KDM3A: variants seen among roughly 807,000 people sequenced by gnomAD.
KDM3A encodes the protein lysine-specific demethylase 3A.
Under a neutral mutation model 158.0 loss-of-function variants are expected in KDM3A, and 60 were observed. That is an observed-to-expected ratio of 0.38 (90% confidence interval 0.31 to 0.47). The LOEUF is 0.47. Ranked by LOEUF, KDM3A falls within the 20% of genes least tolerant of loss-of-function variation. The pLI is 0.99. For synonymous variants in KDM3A, 608 were observed against 549.3 expected (o/e 1.11, Z -1.49); for missense variants, 1,319 against 1,574.3 (o/e 0.84, Z 2.74).
At chr2:86,476,470 C>A (rs1204005851) in intron 12 of KDM3A, among the ~76,000 whole-genome samples, 1 of 152,144 alleles carries the variant, frequency 6.6e-6, no homozygotes, top group Non-Finnish European at 1.5e-5. Context: ...GTTGCTCTTT[C>A]TTTTCTCTGT....
intron 11 of KDM3A, 58 bp from the exon 12 acceptor site, chr2:86,474,718 T>TGTGG: frequency 2.7e-6 from 2 of 747,410 alleles, no homozygotes; most frequent in Non-Finnish European, 4.7e-6. Flanking sequence ...TGTGTGTGTG[T>TGTGG]GTGTGTGTGT....
intron 11 of KDM3A, among the ~76,000 whole-genome samples, chr2:86,471,442 G>T (rs1673406326): frequency 6.6e-6 from 1 of 151,806 alleles, no homozygotes; most frequent in South Asian, 2.1e-4. Flanking sequence ...CCTGAGTGAA[G>T]AAAAAAGCAG....
intron 2 of KDM3A, among the ~76,000 whole-genome samples, chr2:86,447,716 G>A (rs1472742045): frequency 6.6e-6 from 1 of 152,148 alleles, no homozygotes; most frequent in African/African-American, 2.4e-5. Context: ...TTAACCTGGG[G>A]TGCAAGTTAG....
intron 11 of KDM3A, among the ~76,000 whole-genome samples, chr2:86,473,797 T>C (rs928708770): frequency 1.3e-5 from 2 of 152,128 alleles, no homozygotes; most frequent in African/African-American, 2.4e-5. Flanking sequence ...AACTAATACA[T>C]AGCTTATGAA....
At chr2:86,472,519 A>C (rs1673467203) in intron 11 of KDM3A, among the ~76,000 whole-genome samples, 1 of 152,116 alleles carries the variant, frequency 6.6e-6, no homozygotes, top group Non-Finnish European at 1.5e-5. Context: ...AATGCTTTCA[A>C]ATTTATTTTT....
intron 9 of KDM3A, 151 bp from the exon 10 acceptor site, chr2:86,466,221 A>G (rs1673139170): frequency 1.3e-6 from 1 of 791,078 alleles, no homozygotes. Flanking sequence ...ACTCTAGCTC[A>G]CAGAAATCTA....
intron 10 of KDM3A, among the ~76,000 whole-genome samples, chr2:86,469,820 A>G (rs1447860519): frequency 6.6e-6 from 1 of 152,238 alleles, no homozygotes; most frequent in Non-Finnish European, 1.5e-5. Flanking sequence ...GACAGAATGG[A>G]CATCTACTAA....
At chr2:86,472,736 T>C (rs1673477016) in intron 11 of KDM3A, among the ~76,000 whole-genome samples, 1 of 152,162 alleles carries the variant, frequency 6.6e-6, no homozygotes, top group Non-Finnish European at 1.5e-5. Context: ...GCCCACTGCC[T>C]AGCAAAGTCA....
intron 25 of KDM3A, chr2:86,491,677 G>T (rs533194545): frequency 1.4e-4 from 43 of 302,416 alleles, no homozygotes; most frequent in Middle Eastern, 1.1e-3. Context: ...TGAGGGGGTG[G>T]TATTTTCAAA....
intron 17 of KDM3A, among the ~76,000 whole-genome samples, 174 bp from the exon 18 acceptor site, chr2:86,482,284 C>G (rs1208905642): frequency 6.6e-6 from 1 of 152,164 alleles, no homozygotes; most frequent in Non-Finnish European, 1.5e-5. Context: ...GGGCCACTTT[C>G]TCCTGTTACC....
upstream of KDM3A, among the ~76,000 whole-genome samples, chr2:86,437,310 G>A (rs1682508505): frequency 1.3e-5 from 2 of 151,990 alleles, no homozygotes; most frequent in African/African-American, 4.8e-5. Flanking sequence ...ACAACAGCCA[G>A]CTAATTTTTA....
chr2:86,464,084 T>A lies in KDM3A; in HGVS notation c.875T>A (p.Val292Glu). 2 of 1,611,796 alleles carry A rather than the reference T, an allele frequency of 1.2e-6. No homozygotes were observed. The highest frequency in any genetic ancestry group is 1.1e-5 in the South Asian group (1 of 90,890). The change falls in exon 9 of 26, where the codon GTA (valine) becomes GAA (glutamate). Residue 292 changes from valine to glutamate, a missense_variant. Val to Glu is a moderately radical substitution (Grantham distance 121, BLOSUM62 -2). Coordinates refer to ENST00000312912, the MANE Select transcript of KDM3A (RefSeq NM_018433.6). ...CCCAGTATGTGTCCTGTGCAGTCTGTACCTACAACAGTTTTTAAGGAGATA... is the reference window on the plus strand; with the variant it reads ...CCCAGTATGTGTCCTGTGCAGTCTGAACCTACAACAGTTTTTAAGGAGATA... ...ASPSMCPVQS[V>E]PTTVFKEILL...
At chr2:86,460,294 C>T (rs1259216784) in intron 8 of KDM3A, among the ~76,000 whole-genome samples, 1 of 152,098 alleles carries the variant, frequency 6.6e-6, no homozygotes, top group African/African-American at 2.4e-5. Context: ...TGTATTATAA[C>T]TATTATTCCA....
Position 86,451,091 on chromosome 2 carries a change from C to G in KDM3A, c.343-12C>G. 1.3e-6 allele frequency: 2 copies of G among 1,571,332 alleles called. No individual in the cohort carries two copies. The highest frequency in any genetic ancestry group is 1.7e-4 in the Middle Eastern group (1 of 5,878). ...AGCAGTTATGATGCTAAAGTGTTTT[C>G]TTTTGTTTTAGACGTACAAACCTCT... On this transcript the variant is annotated splice_polypyrimidine_tract_variant and intron_variant, in intron 3 of 25. Transcript: ENST00000312912.
At chr2:86,465,938 CAAAAAAA>C (rs10541366) in intron 9 of KDM3A, among the ~76,000 whole-genome samples, 1 of 118,056 alleles carries the variant, frequency 8.5e-6, no homozygotes, top group Non-Finnish European at 1.8e-5. Flanking sequence ...AATTTACACA[CAAAAAAA>C]AAAAAAAAAA....
chr2:86,441,351 C>T (rs928362856), upstream of KDM3A: 3 of 152,254 alleles, frequency 2.0e-5, no homozygotes, highest in East Asian at 1.9e-4. Flanking sequence ...CTGTGCGTGT[C>T]TTGTGAGAGC....
At chr2:86,483,845 A>G in intron 18 of KDM3A, 142 bp from the exon 19 acceptor site, 1 of 650,794 alleles carries the variant, frequency 1.5e-6, no homozygotes, top group Non-Finnish European at 2.6e-6. Flanking sequence ...CAGAGAACTA[A>G]GCCGAAACTG....
rs1179939512 is a variant in KDM3A, at chr2:86,489,376, T to C, written c.3372T>C (p.Ser1124=). The C allele has an allele frequency of 6.2e-7, 1 of 1,614,026 alleles. No individual in the cohort carries two copies. Among genetic ancestry groups the C allele is most frequent in the South Asian group, 1.1e-5 (1 of 91,070 alleles). Residue 1124 remains serine, a synonymous_variant, in exon 22 of 26, where the codon TCT becomes TCC. Coordinates refer to ENST00000312912, the MANE Select transcript of KDM3A (RefSeq NM_018433.6). ...CAACAAATCTTCACTTAGATGTATC[T>C]GATGCAGCTAATGTCATGGTCTATG... ...YGTTNLHLDV[S]DAANVMVYVG...
intron 11 of KDM3A, among the ~76,000 whole-genome samples, chr2:86,472,383 TGTC>T (rs1224232550): frequency 6.6e-6 from 1 of 152,146 alleles, no homozygotes; most frequent in African/African-American, 2.4e-5. Flanking sequence ...AGATTGAGGC[TGTC>T]ATTAGCCTCC....
Sources: allele counts gnomAD v4.1 joint callset (sites outside exome capture counted in the v4.1 genomes callset), GRCh38; gene constraint gnomAD v4.1.1; transcripts MANE v1.5; gene names NCBI Gene and HGNC (gene_info 2026-07-23, HGNC 2026-07-21).